Variants in CEP128 observed in about 807,000 individuals in gnomAD.
CEP128 encodes centrosomal protein 128kDa.
Under a neutral mutation model 156.7 loss-of-function variants are expected in CEP128, and 132 were observed. That is an observed-to-expected ratio of 0.84 (90% CI 0.73 to 0.97). CEP128 has a LOEUF of 0.97. Among genes scored for constraint, CEP128 ranks in the 50% least tolerant of loss-of-function variants. The probability of loss-of-function intolerance (pLI) is 0.00; values close to 1 mark genes in which losing one functional copy is unlikely to be tolerated. For missense variants in CEP128, 1,252 were observed against 1,281.9 expected, an observed-to-expected ratio of 0.98 and a Z score of 0.36; for synonymous variants, 469 against 448.9, an observed-to-expected ratio of 1.04 and a Z score of -0.57.
chr14:80,566,421 C>A (rs1487538053), intron 20 of CEP128, among the ~76,000 whole-genome samples: 1 of 151,860 alleles, frequency 6.6e-6, no homozygotes, highest in African/African-American at 2.4e-5. Context: ...GTATTCTTTG[C>A]CAAACTTTAA....
rs1885778722 is a variant in CEP128 at position 80,831,238 on chromosome 14, G to A, written c.1114C>T (p.Leu372=). ...TCAGATGCCATTGCGCTGAAGTTCA[G>A]CTGCACTCTCAAATCTGACATTTGC... ...EKQMSDLRVQ[L]NFSAMASELE... Residue 372 remains leucine, a synonymous_variant, in exon 13 of 25, where the codon CTG becomes TTG. Coordinates refer to ENST00000555265, the MANE Select transcript of CEP128 (RefSeq NM_152446.5). 6.2e-7 allele frequency: 1 copy of A among 1,613,972 alleles called. No homozygotes were observed. Among genetic ancestry groups the A allele is most frequent in the African/African-American group, 1.3e-5 (1 of 75,014 alleles).
chr14:80,494,748 T>C (rs910495288), downstream of CEP128, among the ~76,000 whole-genome samples: 3 of 152,196 alleles, frequency 2.0e-5, no homozygotes, highest in South Asian at 2.1e-4. Context: ...TTTTTATACA[T>C]GTAAACTTTA....
chr14:80,729,056 G>GTGTGTGTGTGTGTGTGTGT (rs1898133887), intron 19 of CEP128, among the ~76,000 whole-genome samples: 1 of 88,180 alleles, frequency 1.1e-5, no homozygotes, highest in African/African-American at 4.2e-5. Context: ...TGGGCTGGTG[G>GTGTGTGTGTGTGTGTGTGT]GGGTGTGTGT....
intron 19 of CEP128, among the ~76,000 whole-genome samples, chr14:80,690,913 A>G (rs1394302466): frequency 6.6e-6 from 1 of 152,208 alleles, no homozygotes; most frequent in South Asian, 2.1e-4. Context: ...AATATTTGCC[A>G]CATAAGTTAA....
chr14:80,767,914 C>T (rs1201515343), intron 16 of CEP128, among the ~76,000 whole-genome samples: 1 of 152,116 alleles, frequency 6.6e-6, no homozygotes, highest in African/African-American at 2.4e-5. Flanking sequence ...TCTTCTATGT[C>T]TGTCTCCTCA....
chr14:80,785,124 A>C lies in CEP128; in HGVS notation c.1982T>G (p.Val661Gly). ...AGTGAGGTCAGAAAGGTCCTTAAGC[A>C]CTGCTTTCTTGGCTCTCTCTTCCTC... The part of the protein sequence containing the change: ...LAEEERAKKA[V>G]LKDLSDLTAQ... Residue 661 changes from valine (V) to glycine (G), a missense_variant, in exon 15 of 25, where the codon GTG becomes GGG. Val to Gly is a moderately radical substitution (Grantham distance 109). Transcript: ENST00000555265. The C allele has an allele frequency of 6.2e-7, 1 of 1,614,144 alleles. No homozygotes were observed. Among genetic ancestry groups the C allele is most frequent in the South Asian group, 1.1e-5 (1 of 91,082 alleles).
At chr14:80,941,174 C>A (rs904063644) in intron 1 of CEP128, among the ~76,000 whole-genome samples, 4 of 151,974 alleles carry the variant, frequency 2.6e-5, no homozygotes, top group African/African-American at 4.8e-5. Context: ...GACTACAAAA[C>A]AGGTATTAAA....
chr14:80,681,263 G>C (rs1595207502), intron 19 of CEP128, among the ~76,000 whole-genome samples: 1 of 152,190 alleles, frequency 6.6e-6, no homozygotes, highest in African/African-American at 2.4e-5. Context: ...AATCCTACCT[G>C]CACAAAAATA....
At chr14:80,745,925 CA>C (rs1359801287) in intron 18 of CEP128, among the ~76,000 whole-genome samples, 3 of 151,458 alleles carry the variant, frequency 2.0e-5, no homozygotes, top group Non-Finnish European at 4.4e-5. Flanking sequence ...AAAATCAATA[CA>C]AAAATTAATT....
At chr14:80,632,603 T>C (rs975815621) in intron 19 of CEP128, among the ~76,000 whole-genome samples, 2 of 150,684 alleles carry the variant, frequency 1.3e-5, no homozygotes, top group African/African-American at 4.9e-5. Flanking sequence ...ATATATATTA[T>C]AGTGCATTCA....
rs151337408 is a variant in CEP128, at chr14:80,774,637, ATG to A, written c.2376+3243_2376+3244del. Among the ~76,000 whole-genome samples the A allele has an allele frequency of 3.9e-3, 588 of 150,456 alleles. 7 individuals carry two copies. Among genetic ancestry groups the A allele is most frequent in the African/African-American group, 0.014 (563 of 41,068 alleles). On this transcript the variant is annotated intron_variant, in intron 16 of 24. Transcript: ENST00000555265. Reference sequence around the variant, plus strand: ...TGTGTGTGTGTGTGCGTGTGTGTGTATGTGTGTGTGTGTGTATACACACATAC... The same window carrying A: ...TGTGTGTGTGTGTGCGTGTGTGTGTATGTGTGTGTGTGTATACACACATAC...
chr14:80,514,745 G>A (rs904252268), intron 23 of CEP128: 2 of 309,202 alleles, frequency 6.5e-6, no homozygotes, highest in Non-Finnish European at 1.3e-5. Flanking sequence ...TGTCTGGTGA[G>A]GGCATATTTT....
At chr14:80,888,701 T>A (rs1209082477) in intron 8 of CEP128, among the ~76,000 whole-genome samples, 1 of 152,120 alleles carries the variant, frequency 6.6e-6, no homozygotes, top group Non-Finnish European at 1.5e-5. Context: ...CTGGTAGCAT[T>A]CCCTTTGAAA....
intron 7 of CEP128, among the ~76,000 whole-genome samples, chr14:80,899,270 T>G (rs1330409654): frequency 4.6e-5 from 7 of 152,200 alleles, no homozygotes; most frequent in African/African-American, 7.2e-5. Context: ...TAAACAAATT[T>G]CAATTCAGCT....
intron 4 of CEP128, among the ~76,000 whole-genome samples, chr14:80,913,807 T>A (rs1357490576): frequency 2.6e-5 from 4 of 152,040 alleles, no homozygotes; most frequent in Non-Finnish European, 4.4e-5. Flanking sequence ...TGAAAACCTA[T>A]CTATTGGGTA....
intron 21 of CEP128, among the ~76,000 whole-genome samples, chr14:80,552,575 T>C (rs1242021520): frequency 2.0e-5 from 3 of 152,170 alleles, no homozygotes; most frequent in Non-Finnish European, 4.4e-5. Context: ...TGGTGAAATA[T>C]GTCATTGATA....
chr14:80,805,437 G>T (rs900613339), intron 13 of CEP128, among the ~76,000 whole-genome samples: 1 of 152,050 alleles, frequency 6.6e-6, no homozygotes. Context: ...CCTAAGCAGG[G>T]CCAAGTCTGC....
At chr14:80,484,950 C>A (rs138853366) in intron 14 of CEP128, among the ~76,000 whole-genome samples, 7 of 152,128 alleles carry the variant, frequency 4.6e-5, no homozygotes. Context: ...GTAGAGAAAT[C>A]TGACCTCAAT....
At chr14:80,884,526 G>A (rs942539669) in intron 8 of CEP128, among the ~76,000 whole-genome samples, 1 of 152,114 alleles carries the variant, frequency 6.6e-6, no homozygotes, top group Non-Finnish European at 1.5e-5. Context: ...AGTAGGGTGG[G>A]GCATTGCCTC....
Sources: gnomAD v4.1 joint callset for allele counts (sites outside exome capture counted in the v4.1 genomes callset) on GRCh38, gnomAD v4.1.1 for gene constraint, MANE v1.5 for transcripts, NCBI Gene and HGNC (gene_info 2026-07-23, HGNC 2026-07-21) for gene names.